The following GPHN variants were observed in gnomAD, a reference collection of about 807,000 sequenced individuals.
GPHN encodes gephyrin.
GPHN carries 17 observed loss-of-function variants against 95.5 expected under a neutral mutation model. That is an observed-to-expected ratio of 0.18 (90% CI 0.12 to 0.27). The LOEUF (loss-of-function observed/expected upper bound fraction) is 0.27, where lower values mean the gene tolerates loss of function less well. Among genes scored for constraint, GPHN ranks in the 10% least tolerant of loss-of-function variants. The pLI is 1.00. For missense variants in GPHN, 660 were observed against 978.1 expected (o/e 0.67, Z 4.34); for synonymous variants, 320 against 322.5 (o/e 0.99, Z 0.08).
chr14:67,687,593 T>C, the GPHN span, among the ~76,000 whole-genome samples: 67,719 of 150,094 alleles, frequency 0.45, 17,710 homozygotes, highest in Non-Finnish European at 0.61. Flanking sequence ...TGCCTCAGCC[T>C]CCTGAGCAGC....
chr14:67,483,339 C>G, the GPHN span, among the ~76,000 whole-genome samples: 1 of 152,138 alleles, frequency 6.6e-6, no homozygotes, highest in Non-Finnish European at 1.5e-5. Context: ...CTATAAAAGG[C>G]AAGGCTGGGA....
intron 8 of GPHN, among the ~76,000 whole-genome samples, chr14:66,951,151 C>T (rs2068082464): frequency 6.6e-6 from 1 of 151,966 alleles, no homozygotes; most frequent in African/African-American, 2.4e-5. Context: ...GTCTCGAATT[C>T]CTGACCTCAG....
At chr14:66,620,207 G>A (rs538227664) in intron 1 of GPHN, among the ~76,000 whole-genome samples, 1 of 152,200 alleles carries the variant, frequency 6.6e-6, no homozygotes, top group East Asian at 1.9e-4. Flanking sequence ...CTACTCAAAA[G>A]GCAGTATTGC....
At chr14:66,731,090 C>T (rs2071726898) in intron 2 of GPHN, among the ~76,000 whole-genome samples, 1 of 152,154 alleles carries the variant, frequency 6.6e-6, no homozygotes, top group South Asian at 2.1e-4. Context: ...CCCCTTCTGC[C>T]ATGATTTTAA....
intron 3 of GPHN, among the ~76,000 whole-genome samples, chr14:66,793,482 C>CT (rs1270934628): frequency 6.6e-6 from 1 of 151,994 alleles, no homozygotes; most frequent in East Asian, 1.9e-4. Flanking sequence ...TATTCTTGTC[C>CT]TTTCGGTTTC....
At chr14:67,593,759 T>G in the GPHN span, 1 of 1,609,848 alleles carries the variant, frequency 6.2e-7, no homozygotes. Flanking sequence ...AATGGCCTCA[T>G]TGATGACAAT....
At chr14:67,057,654 T>C (rs1750166449) in intron 10 of GPHN, among the ~76,000 whole-genome samples, 2 of 152,142 alleles carry the variant, frequency 1.3e-5, no homozygotes, top group African/African-American at 4.8e-5. Context: ...TACCCTCTTT[T>C]TCTTTCTCCT....
chr14:66,970,909 C>G (rs958487572), intron 9 of GPHN, among the ~76,000 whole-genome samples: 1 of 152,186 alleles, frequency 6.6e-6, no homozygotes, highest in Non-Finnish European at 1.5e-5. Flanking sequence ...CAATAATATT[C>G]TCTGCATTAT....
chr14:67,288,005 G>C, the GPHN span, among the ~76,000 whole-genome samples: 1,835 of 152,270 alleles, frequency 0.012, 19 homozygotes, highest in Non-Finnish European at 0.018. Context: ...GTCTATGGCT[G>C]CTTGTTGATT....
chr14:66,610,402 C>G (rs2062730614), intron 1 of GPHN, among the ~76,000 whole-genome samples: 1 of 152,122 alleles, frequency 6.6e-6, no homozygotes, highest in Non-Finnish European at 1.5e-5. Context: ...AGTTTCCTCT[C>G]TCTTCACCCT....
chr14:66,858,245 A>T (rs940113100), intron 4 of GPHN, among the ~76,000 whole-genome samples: 2 of 151,688 alleles, frequency 1.3e-5, no homozygotes, highest in Non-Finnish European at 2.9e-5. Flanking sequence ...CACATAGCTC[A>T]CAGCTCCAAA....
the GPHN span, chr14:67,271,585 CA>C: frequency 6.6e-6 from 1 of 152,188 alleles, no homozygotes; most frequent in South Asian, 2.1e-4. Flanking sequence ...AAAGAGTAGG[CA>C]AAGATCAGAT....
At chr14:67,649,127 C>T in the GPHN span, 1 of 152,172 alleles carries the variant, frequency 6.6e-6, no homozygotes, top group Non-Finnish European at 1.5e-5. Context: ...CTCTGCTTTG[C>T]TTCCTAAAAA....
the GPHN span, among the ~76,000 whole-genome samples, chr14:67,682,845 T>C: frequency 6.6e-6 from 1 of 152,230 alleles, no homozygotes; most frequent in African/African-American, 2.4e-5. Flanking sequence ...CATCACCTGA[T>C]GAATGAATAA....
At chr14:67,224,566 C>A in the GPHN span, 2 of 219,648 alleles carry the variant, frequency 9.1e-6, no homozygotes, top group Non-Finnish European at 1.8e-5. Flanking sequence ...GGCCCCATTT[C>A]TCTACTTTCT....
At chr14:67,655,659 A>G in the GPHN span, among the ~76,000 whole-genome samples, 46 of 152,308 alleles carry the variant, frequency 3.0e-4, 1 homozygote, top group African/African-American at 1.1e-3. Context: ...AAATAACAGG[A>G]TATAAGCAGA....
chr14:67,644,630 T>A, the GPHN span, among the ~76,000 whole-genome samples: 1 of 152,172 alleles, frequency 6.6e-6, no homozygotes, highest in Non-Finnish European at 1.5e-5. Flanking sequence ...ATTCTTAGAA[T>A]TGAGACAGAA....
At chr14:66,953,197 G>A (rs1377306065) in intron 8 of GPHN, among the ~76,000 whole-genome samples, 2 of 113,234 alleles carry the variant, frequency 1.8e-5, no homozygotes, top group Admixed American at 1.0e-4. Flanking sequence ...TTATTCAGTT[G>A]TTAGAGTTCT....
chr14:67,569,797 C>G, the GPHN span: 1 of 687,844 alleles, frequency 1.5e-6, no homozygotes, highest in Non-Finnish European at 2.7e-6. Context: ...GCCCTGGCCC[C>G]CCTCTTGAGA....
Sources: allele counts gnomAD v4.1 joint callset (sites outside exome capture counted in the v4.1 genomes callset), GRCh38; gene constraint gnomAD v4.1.1; transcripts MANE v1.5; gene names NCBI Gene and HGNC (gene_info 2026-07-23, HGNC 2026-07-21).